CCDC12: variants seen among roughly 807,000 people sequenced by gnomAD.
The protein encoded by CCDC12 is coiled-coil domain containing 12.
In CCDC12, 28 loss-of-function variants were observed where a neutral mutation model predicts 25.7. That is an observed-to-expected ratio of 1.09 (90% CI 0.81 to 1.50). CCDC12 has a LOEUF of 1.50. Ranked by LOEUF, CCDC12 falls within the 40% of genes most tolerant of loss-of-function variation. The pLI, the probability that CCDC12 is intolerant of heterozygous loss-of-function variation, is 0.00. For synonymous variants in CCDC12, 75 were observed against 87.7 expected, an observed-to-expected ratio of 0.86 and a Z score of 0.81; for missense variants, 198 against 210.0, an observed-to-expected ratio of 0.94 and a Z score of 0.35.
chr3:46,941,159 G>A, intron 1 of CCDC12, 94 bp from the exon 2 acceptor site: 1 of 1,214,014 alleles, frequency 8.2e-7, no homozygotes, highest in Admixed American at 1.7e-5. Context: ...CATCTCAGAA[G>A]GGGGGCACCT....
rs192083175 is a variant in CCDC12, at chr3:46,934,606, T to G, written c.164+6392A>C. ...GCACACAGAAAGGATTCAGCTGTGCTCCTACCCCACCCTACCCAGAAGGGA... is the reference window on the plus strand; with the variant it reads ...GCACACAGAAAGGATTCAGCTGTGCGCCTACCCCACCCTACCCAGAAGGGA... On this transcript the variant is annotated intron_variant, in intron 2 of 6. Transcript: ENST00000683445. Among the ~76,000 whole-genome samples, 41 of 152,290 alleles carry G rather than the reference T, an allele frequency of 2.7e-4. No homozygotes were observed. In the East Asian group the frequency reaches 7.5e-3, roughly 28 times the overall value.
chr3:46,970,872 C>T (rs983020053), intron 1 of CCDC12, among the ~76,000 whole-genome samples: 3 of 152,318 alleles, frequency 2.0e-5, no homozygotes, highest in South Asian at 2.1e-4. Context: ...CACCTACTCA[C>T]CCAGCCAGGA....
chr3:46,967,407 C>T (rs936177), intron 1 of CCDC12, among the ~76,000 whole-genome samples: 143,279 of 151,886 alleles, frequency 0.94, 68,187 homozygotes, highest in East Asian at 1. Context: ...CCCTCTCCAC[C>T]CTCATCCCCC....
chr3:46,954,506 G>A (rs2034227119), intron 1 of CCDC12, among the ~76,000 whole-genome samples: 1 of 152,148 alleles, frequency 6.6e-6, no homozygotes, highest in South Asian at 2.1e-4. Flanking sequence ...AGCTGCCAAC[G>A]GCCCTCACTC....
At position 46,922,303 on chromosome 3, in the gene CCDC12, CTT is replaced by C. The variant is rs866212145; in HGVS notation, c.349_350del (p.Lys117GlufsTer24). On this transcript the variant is annotated frameshift_variant, in exon 6 of 7. Transcript: ENST00000683445. LOFTEE classifies it high-confidence loss of function. ...LAPRKPDWDL[K>X]RDVAKKLEKL... Reference sequence around the variant, plus strand: ...TCTCCAGCTTCTTGGCCACATCTCTCTTGAGGTCCCTGGAGCAGGGAGGCAGG... The same window carrying C: ...TCTCCAGCTTCTTGGCCACATCTCTCGAGGTCCCTGGAGCAGGGAGGCAGG... 6.2e-7 allele frequency: 1 copy of C among 1,614,254 alleles called. No homozygotes were observed. The highest frequency in any genetic ancestry group is 8.5e-7 in the Non-Finnish European group (1 of 1,180,038).
upstream of CCDC12, among the ~76,000 whole-genome samples, chr3:46,981,303 G>A (rs977699465): frequency 2.6e-5 from 4 of 152,134 alleles, no homozygotes; most frequent in Non-Finnish European, 5.9e-5. Flanking sequence ...TTAGCCGGGC[G>A]TGGTGGGGTG....
At chr3:46,929,385 C>A (rs1044939248) in intron 2 of CCDC12, among the ~76,000 whole-genome samples, 10 of 152,224 alleles carry the variant, frequency 6.6e-5, no homozygotes, top group African/African-American at 2.4e-4. Context: ...GTCCAGGCTG[C>A]TATCCTAGGA....
intron 5 of CCDC12, 131 bp from the exon 6 acceptor site, chr3:46,922,443 G>A: frequency 1.1e-6 from 1 of 931,612 alleles, no homozygotes; most frequent in Non-Finnish European, 1.7e-6. Flanking sequence ...CCCTGGGGAA[G>A]AGGCCAGGAC....
chr3:46,951,182 A>G (rs2034102109), intron 1 of CCDC12, among the ~76,000 whole-genome samples: 1 of 152,156 alleles, frequency 6.6e-6, no homozygotes, highest in Non-Finnish European at 1.5e-5. Flanking sequence ...GAACTCACCG[A>G]AACAGAGACT....
chr3:46,964,970 T>A (rs2034596880), intron 1 of CCDC12, among the ~76,000 whole-genome samples: 1 of 151,118 alleles, frequency 6.6e-6, no homozygotes, highest in South Asian at 2.1e-4. Flanking sequence ...ATAAAATAAA[T>A]AAAATAAAAT....
chr3:46,956,116 C>G (rs944275156), intron 1 of CCDC12, among the ~76,000 whole-genome samples: 4 of 152,248 alleles, frequency 2.6e-5, no homozygotes, highest in Admixed American at 2.6e-4. Context: ...GGTCTGCTTT[C>G]TGCCTAACAG....
chr3:46,957,996 C>CACATAT (rs113627328), intron 1 of CCDC12, among the ~76,000 whole-genome samples: 19 of 142,680 alleles, frequency 1.3e-4, no homozygotes, highest in African/African-American at 3.9e-4. Context: ...CACACACACA[C>CACATAT]ATATATATGT....
intron 1 of CCDC12, among the ~76,000 whole-genome samples, chr3:46,949,331 C>T (rs2034026692): frequency 6.6e-6 from 1 of 152,090 alleles, no homozygotes; most frequent in Non-Finnish European, 1.5e-5. Context: ...TGCAAAAGGC[C>T]CCTCCCACTG....
chr3:46,935,327 G>A (rs1371666620), intron 2 of CCDC12, among the ~76,000 whole-genome samples: 3 of 152,090 alleles, frequency 2.0e-5, no homozygotes, highest in Admixed American at 6.5e-5. Flanking sequence ...AGGAGGAGGC[G>A]AGTGCTCCTG....
chr3:46,921,784 CA>C lies in CCDC12; in HGVS notation c.*272del, dbSNP rs2032689554. 1 of 445,028 alleles carries C rather than the reference CA, an allele frequency of 2.2e-6. No individual in the cohort carries two copies. Among genetic ancestry groups the C allele is most frequent in the African/African-American group, 2.0e-5 (1 of 50,522 alleles). The allele number at this position is 445,028 out of a possible 1,614,324, so 27.6% of individuals were successfully genotyped here. On this transcript the variant is annotated 3_prime_UTR_variant, in exon 7 of 7. Transcript: ENST00000683445. The stretch of plus-strand genomic sequence containing the variant: ...TTTCCAGATTTTTTTTTAGAAAGTT[CA>C]AAATATATACATATATACAGACATA...
At chr3:46,949,512 G>C (rs543624094) in intron 1 of CCDC12, among the ~76,000 whole-genome samples, 25 of 152,198 alleles carry the variant, frequency 1.6e-4, no homozygotes, top group Non-Finnish European at 3.2e-4. Flanking sequence ...CCTCCCTGTA[G>C]GGGCACTGTG....
intron 1 of CCDC12, among the ~76,000 whole-genome samples, chr3:46,946,220 A>C (rs2033901450): frequency 6.6e-6 from 1 of 152,224 alleles, no homozygotes; most frequent in African/African-American, 2.4e-5. Flanking sequence ...TTTGTGGGCC[A>C]GGTCTACCTT....
chr3:46,969,838 C>T (rs1396773255), intron 1 of CCDC12, among the ~76,000 whole-genome samples: 2 of 151,894 alleles, frequency 1.3e-5, no homozygotes, highest in African/African-American at 4.8e-5. Flanking sequence ...AAGGCAATCA[C>T]GAGTCAAGTG....
At chr3:46,948,872 A>ACCT (rs2034007378) in intron 1 of CCDC12, among the ~76,000 whole-genome samples, 1 of 152,260 alleles carries the variant, frequency 6.6e-6, no homozygotes, top group Non-Finnish European at 1.5e-5. Flanking sequence ...CAAGGGAGGC[A>ACCT]CTACAGAGCT....
Sources: gnomAD v4.1 joint callset for allele counts (sites outside exome capture counted in the v4.1 genomes callset) on GRCh38, gnomAD v4.1.1 for gene constraint, MANE v1.5 for transcripts, NCBI Gene and HGNC (gene_info 2026-07-23, HGNC 2026-07-21) for gene names.